The following DYNC1LI1 variants were observed in gnomAD, a reference collection of about 807,000 sequenced individuals.
DYNC1LI1 encodes the protein dynein cytoplasmic 1 light intermediate chain 1.
A neutral mutation model predicts 63.8 loss-of-function variants in DYNC1LI1; 19 were observed. The observed-to-expected ratio is 0.30, with a 90% CI of 0.21 to 0.44. DYNC1LI1 has a LOEUF of 0.44. Ranked by LOEUF, DYNC1LI1 falls within the 20% of genes least tolerant of loss-of-function variation. DYNC1LI1 has a pLI of 1.00. For missense variants in DYNC1LI1, 565 were observed against 630.2 expected, an observed-to-expected ratio of 0.90 and a Z score of 1.11; for synonymous variants, 225 against 232.3, an observed-to-expected ratio of 0.97 and a Z score of 0.28.
chr3:32,554,863 ATTTTTTT>A (rs11434502), intron 2 of DYNC1LI1, among the ~76,000 whole-genome samples: 20 of 104,730 alleles, frequency 1.9e-4, no homozygotes, highest in African/African-American at 3.9e-4. Context: ...AAATTTTTGA[ATTTTTTT>A]TTTTTTTTTT....
chr3:32,526,891 C>A lies in DYNC1LI1; in HGVS notation c.1480G>T (p.Asp494Tyr), dbSNP rs759300607. 1 of 1,613,450 alleles carries A rather than the reference C, an allele frequency of 6.2e-7. No homozygotes were observed. Among genetic ancestry groups the A allele is most frequent in the Non-Finnish European group, 8.5e-7 (1 of 1,179,538 alleles). ...ATTCTGTCTAGTTCTGCATGAACAT[C>A]TAAGACAGGCTTCTGGCCTACATTG... Reference protein sequence around the residue: ...TKKSGQKPVLDVHAELDRITR... With the variant: ...TKKSGQKPVLYVHAELDRITR... The change falls in exon 13 of 13, where the codon GAT (aspartate) becomes TAT (tyrosine). Residue 494 changes from aspartate (D) to tyrosine (Y), a missense_variant. Physicochemically the swap from Asp to Tyr is radical, Grantham distance 160. Coordinates refer to ENST00000273130, the MANE Select transcript of DYNC1LI1 (RefSeq NM_016141.4).
At chr3:32,536,935 T>C in intron 6 of DYNC1LI1, 76 bp downstream of exon 6, 1 of 798,702 alleles carries the variant, frequency 1.3e-6, no homozygotes, top group African/African-American at 1.8e-5. Context: ...AGTCCATCAA[T>C]TTAATTCTTT....
intron 2 of DYNC1LI1, among the ~76,000 whole-genome samples, chr3:32,562,370 C>T (rs745972617): frequency 1.6e-4 from 25 of 152,274 alleles, no homozygotes; most frequent in South Asian, 2.1e-4. Context: ...GACAAGGTCC[C>T]GCTCTGTCAC....
intron 2 of DYNC1LI1, among the ~76,000 whole-genome samples, chr3:32,561,320 A>G (rs1698190651): frequency 6.6e-6 from 1 of 151,868 alleles, no homozygotes; most frequent in African/African-American, 2.4e-5. Flanking sequence ...ACAAACAAGT[A>G]TTCTCACATA....
Position 32,529,531 on chromosome 3 carries a change from G to A in DYNC1LI1, c.1306+9C>T. On this transcript the variant is annotated intron_variant, in intron 11 of 12. Transcript: ENST00000273130. ...GTATTGTCTTGTTATCTCCTAGAAAGAGATGTACCTTTCATGTTTGGATCA... is the reference window on the plus strand; with the variant it reads ...GTATTGTCTTGTTATCTCCTAGAAAAAGATGTACCTTTCATGTTTGGATCA... 3 of 1,602,016 alleles carry A rather than the reference G, an allele frequency of 1.9e-6. No individual in the cohort carries two copies. The highest frequency in any genetic ancestry group is 2.6e-6 in the Non-Finnish European group (3 of 1,173,736).
chr3:32,537,198 A>G, intron 5 of DYNC1LI1, 94 bp from the exon 6 acceptor site: 1 of 636,164 alleles, frequency 1.6e-6, no homozygotes, highest in Non-Finnish European at 2.5e-6. Context: ...GGGGAACATC[A>G]TAAAAGTACC....
chr3:32,556,033 C>G lies in DYNC1LI1; in HGVS notation c.221-10068G>C, dbSNP rs532159906. On this transcript the variant is annotated intron_variant, in intron 2 of 12. Coordinates refer to ENST00000273130, the MANE Select transcript of DYNC1LI1 (RefSeq NM_016141.4). ...AAAGGTCAACATTCTTACAAAAGCT[C>G]CCTTACCTTTCCTGCCCATCTCTCA... Among the ~76,000 whole-genome samples the G allele has an allele frequency of 5.9e-5, 9 of 152,300 alleles. No individual in the cohort carries two copies. In the East Asian group the frequency reaches 1.7e-3, roughly 29 times the overall value.
chr3:32,545,735 G>A (rs1311574466), intron 3 of DYNC1LI1, 114 bp downstream of exon 3: 5 of 762,270 alleles, frequency 6.6e-6, no homozygotes, highest in Non-Finnish European at 1.2e-5. Flanking sequence ...TGACCAGCAT[G>A]ACATCACAGA....
intron 12 of DYNC1LI1, 116 bp downstream of exon 12, chr3:32,528,330 G>T: frequency 8.8e-7 from 1 of 1,137,028 alleles, no homozygotes; most frequent in Non-Finnish European, 1.3e-6. Flanking sequence ...GTGATGGCCT[G>T]CCCAACTTAG....
chr3:32,526,678 C>A lies in DYNC1LI1; in HGVS notation c.*121G>T. 2.9e-6 allele frequency: 2 copies of A among 693,962 alleles called. No homozygotes were observed. The highest frequency in any genetic ancestry group is 1.8e-5 in the South Asian group (1 of 56,566). The allele number at this position is 693,962 out of a possible 1,614,324, so 43.0% of individuals were successfully genotyped here. On this transcript the variant is annotated 3_prime_UTR_variant, in exon 13 of 13. Transcript: ENST00000273130. ...CCACACACACACACACACACACACACGACATAAATTTAGTCCATCTGAAGA... is the reference window on the plus strand; with the variant it reads ...CCACACACACACACACACACACACAAGACATAAATTTAGTCCATCTGAAGA...
intron 8 of DYNC1LI1, chr3:32,532,723 AT>A (rs1003354091): frequency 2.6e-6 from 1 of 378,274 alleles, no homozygotes; most frequent in African/African-American, 2.1e-5. Flanking sequence ...CCAAAGCACT[AT>A]ATTAGAATGT....
At chr3:32,542,550 G>A (rs1697896538) in intron 4 of DYNC1LI1, among the ~76,000 whole-genome samples, 1 of 151,912 alleles carries the variant, frequency 6.6e-6, no homozygotes, top group South Asian at 2.1e-4. Flanking sequence ...TGGGACTACA[G>A]GCGCCCACCA....
rs766792643 is a variant in DYNC1LI1 at position 32,526,950 on chromosome 3, GT to G, written c.1463-43del. 7 of 1,413,882 alleles carry G rather than the reference GT, an allele frequency of 5.0e-6. No homozygotes were observed. The Admixed American group carries it at 1.3e-4, about 26-fold the overall frequency. 87.6% of individuals were successfully genotyped at this position (1,413,882 alleles called of 1,614,324 possible). A position where few individuals can be genotyped will look rare whatever the true frequency, so the allele number is the denominator to read the frequency against. ...GAAAAAAAACAAGATTTAGATATAA[GT>G]GAAAGTATCGTTTTCACCAATATCT... is the stretch of plus-strand genomic sequence containing the variant. On this transcript the variant is annotated intron_variant, in intron 12 of 12. Transcript: ENST00000273130.
chr3:32,540,306 AC>A (rs1697862552), intron 5 of DYNC1LI1, among the ~76,000 whole-genome samples: 1 of 152,180 alleles, frequency 6.6e-6, no homozygotes, highest in Non-Finnish European at 1.5e-5. Flanking sequence ...CTGCATGTTA[AC>A]TTTATATAAT....
intron 3 of DYNC1LI1, chr3:32,545,477 T>C: frequency 3.0e-6 from 1 of 329,956 alleles, no homozygotes; most frequent in Non-Finnish European, 5.5e-6. Flanking sequence ...GCAAGTGATC[T>C]ACAGAAGAAA....
At chr3:32,561,866 A>C (rs12487678) in intron 2 of DYNC1LI1, among the ~76,000 whole-genome samples, 17,328 of 151,944 alleles carry the variant, frequency 0.11, 1,027 homozygotes, top group East Asian at 0.24. Context: ...GAAAAAAAAA[A>C]CCCGTGTTAC....
At chr3:32,529,320 T>G (rs1263909728) in intron 11 of DYNC1LI1, among the ~76,000 whole-genome samples, 2 of 152,130 alleles carry the variant, frequency 1.3e-5, no homozygotes, top group Non-Finnish European at 2.9e-5. Context: ...GGAAATTGAT[T>G]AAATATAACA....
chr3:32,548,761 G>A (rs1697993257), intron 2 of DYNC1LI1, among the ~76,000 whole-genome samples: 1 of 152,088 alleles, frequency 6.6e-6, no homozygotes, highest in Non-Finnish European at 1.5e-5. Flanking sequence ...TCACAACAAT[G>A]ACAACTATGT....
intron 5 of DYNC1LI1, among the ~76,000 whole-genome samples, chr3:32,537,902 T>C (rs1428536074): frequency 2.0e-5 from 1 of 50,020 alleles, no homozygotes; most frequent in South Asian, 4.5e-4. Context: ...ATATATATAA[T>C]ATATATATAT....
Sources: allele counts gnomAD v4.1 joint callset (sites outside exome capture counted in the v4.1 genomes callset), GRCh38; gene constraint gnomAD v4.1.1; transcripts MANE v1.5; gene names NCBI Gene and HGNC (gene_info 2026-07-23, HGNC 2026-07-21).